DHX57: variants seen among roughly 807,000 people sequenced by gnomAD.
DHX57 encodes the protein putative ATP-dependent RNA helicase DHX57.
A neutral mutation model predicts 156.2 loss-of-function variants in DHX57; 105 were observed. The ratio of observed to expected loss-of-function variants is 0.67; its 90% CI spans 0.57 to 0.79. The LOEUF (loss-of-function observed/expected upper bound fraction) is 0.79. Among genes scored for constraint, DHX57 ranks in the 30% least tolerant of loss-of-function variants. DHX57 has a pLI of 0.00. For missense variants in DHX57, 1,847 were observed against 1,661.9 expected (o/e 1.11, Z -1.94); for synonymous variants, 704 against 595.6 (o/e 1.18, Z -2.65).
intron 19 of DHX57, among the ~76,000 whole-genome samples, chr2:38,818,579 A>T (rs1156853953): frequency 6.6e-6 from 1 of 152,110 alleles, no homozygotes; most frequent in Non-Finnish European, 1.5e-5. Context: ...TCCCTGGTGT[A>T]ATTACTGAAA....
chr2:38,823,187 G>A lies in DHX57; in HGVS notation c.3097C>T (p.Leu1033Phe), dbSNP rs765426352. 1 of 1,614,182 alleles carries A rather than the reference G, an allele frequency of 6.2e-7. No homozygotes were observed. ...RLIEPPHTDSLRASKIRLRDL... is the reference protein window; with the variant it reads ...RLIEPPHTDSFRASKIRLRDL... ...CGTAATCGTATTTTTGAGGCACGAA[G>A]AGAATCGGTGTGTGGAGGTTCAATG... is the stretch of plus-strand genomic sequence containing the variant. Residue 1033 changes from leucine (L) to phenylalanine (F), a missense_variant, in exon 17 of 24, where the codon CTT (leucine) becomes TTT (phenylalanine). Transcript: ENST00000457308.
intron 23 of DHX57, among the ~76,000 whole-genome samples, chr2:38,800,513 CAT>C (rs1669633128): frequency 6.6e-6 from 1 of 152,170 alleles, no homozygotes; most frequent in Non-Finnish European, 1.5e-5. Flanking sequence ...GTATGGGAAA[CAT>C]ACAGTTCGGA....
chr2:38,814,959 T>C (rs1411053751), intron 20 of DHX57, among the ~76,000 whole-genome samples: 1 of 151,932 alleles, frequency 6.6e-6, no homozygotes, highest in African/African-American at 2.4e-5. Flanking sequence ...TGACCTTGAG[T>C]GATCTGCCCA....
intron 13 of DHX57, among the ~76,000 whole-genome samples, chr2:38,835,544 C>G (rs928033585): frequency 6.6e-6 from 1 of 152,116 alleles, no homozygotes; most frequent in Non-Finnish European, 1.5e-5. Context: ...AGTTCAACAC[C>G]AAAGACACTG....
rs374244836 is a variant in DHX57 at position 38,845,214 on chromosome 2, CA to C, written c.2219+1804del. Among the ~76,000 whole-genome samples the C allele has an allele frequency of 2.4e-4, 36 of 147,954 alleles. 1 individual carries two copies. Among genetic ancestry groups the C allele is most frequent in the Admixed American group, 8.8e-4 (13 of 14,822 alleles). ...GTCTTAAAAAAAAACAAAAAACAAA[CA>C]AAAAAAAACCCATATATATATATAT... is the stretch of plus-strand genomic sequence containing the variant. On this transcript the variant is annotated intron_variant, in intron 11 of 23. Coordinates refer to ENST00000457308, the MANE Select transcript of DHX57 (RefSeq NM_198963.3).
chr2:38,836,775 CAAAAAAAAAAA>C (rs964200602), intron 13 of DHX57, among the ~76,000 whole-genome samples: 1 of 42,466 alleles, frequency 2.4e-5, no homozygotes, highest in African/African-American at 8.1e-5. Context: ...GACCCTGTCT[CAAAAAAAAAAA>C]AAAAAAAAAA....
intron 13 of DHX57, among the ~76,000 whole-genome samples, chr2:38,832,924 G>A (rs926021793): frequency 2.6e-5 from 4 of 151,084 alleles, no homozygotes; most frequent in Non-Finnish European, 4.4e-5. Flanking sequence ...GTACCTAAAT[G>A]CTGTAGGCAC....
At chr2:38,850,745 C>A (rs551367350) in intron 9 of DHX57, among the ~76,000 whole-genome samples, 1 of 152,102 alleles carries the variant, frequency 6.6e-6, no homozygotes, top group Admixed American at 6.5e-5. Context: ...TATGGTATAT[C>A]CAGACTTCAG....
chr2:38,869,271 A>G (rs1469410809), intron 1 of DHX57, among the ~76,000 whole-genome samples: 1 of 152,202 alleles, frequency 6.6e-6, no homozygotes, highest in East Asian at 1.9e-4. Context: ...ATCTTTTTCC[A>G]AAGGACTGAC....
chr2:38,863,709 A>G (rs1043291715), intron 2 of DHX57, among the ~76,000 whole-genome samples, 190 bp from the exon 3 acceptor site: 1 of 152,142 alleles, frequency 6.6e-6, no homozygotes, highest in African/African-American at 2.4e-5. Flanking sequence ...GACCTGCTGG[A>G]AAAAAACCTT....
At chr2:38,804,930 G>T (rs1669870281) in intron 22 of DHX57, among the ~76,000 whole-genome samples, 1 of 152,084 alleles carries the variant, frequency 6.6e-6, no homozygotes, top group African/African-American at 2.4e-5. Flanking sequence ...CATTACCTGA[G>T]ATTCTGTTTA....
chr2:38,828,481 G>T, intron 13 of DHX57, 45 bp from the exon 14 acceptor site: 2 of 1,397,350 alleles, frequency 1.4e-6, no homozygotes, highest in East Asian at 2.4e-5. Flanking sequence ...CATAGGCACA[G>T]AAAAGAAACA....
intron 9 of DHX57, chr2:38,853,766 TCTA>T (rs1260106373): frequency 1.1e-5 from 2 of 179,622 alleles, no homozygotes; most frequent in Non-Finnish European, 2.3e-5. Context: ...ATCTGTTATT[TCTA>T]CTAAGTACGG....
rs936534592 is a variant in DHX57, at chr2:38,861,102, A to T, written c.1308T>A (p.Pro436=). Residue 436 remains proline, a synonymous_variant, in exon 5 of 24, where the codon CCT becomes CCA. Coordinates refer to ENST00000457308, the MANE Select transcript of DHX57 (RefSeq NM_198963.3). ...TNTHHKYSDP[P]VNFLPVPSRT... is the part of the protein sequence containing the mutation. ...TAGAGGGTACTGGCAGAAAGTTCAC[A>T]GGAGGGTCACTATACTTGTGGTGGG... The T allele has an allele frequency of 1.9e-6, 3 of 1,614,234 alleles. No homozygotes were observed. The highest frequency in any genetic ancestry group is 2.5e-6 in the Non-Finnish European group (3 of 1,180,030).
chr2:38,802,316 CTCGCTCTGTTGCCGAGGCTGGA>C (rs1350584828), intron 23 of DHX57, among the ~76,000 whole-genome samples: 2 of 144,492 alleles, frequency 1.4e-5, no homozygotes, highest in African/African-American at 5.1e-5. Context: ...GAGAAGGAAT[CTCGCTCTGTTGCCGAGGCTGGA>C]GTGCAATGGC....
intron 1 of DHX57, among the ~76,000 whole-genome samples, chr2:38,871,988 G>A (rs772986578): frequency 7.2e-4 from 110 of 152,142 alleles, no homozygotes; most frequent in Non-Finnish European, 1.4e-3. Flanking sequence ...GATTACAGGC[G>A]TGAGCCACCG....
At chr2:38,801,437 T>G (rs540819372) in intron 23 of DHX57, among the ~76,000 whole-genome samples, 102 of 152,106 alleles carry the variant, frequency 6.7e-4, no homozygotes, top group Non-Finnish European at 1.3e-3. Context: ...TGAGACGGAG[T>G]CTCATTCTGT....
At chr2:38,843,790 C>T (rs1672132283) in intron 11 of DHX57, among the ~76,000 whole-genome samples, 1 of 152,184 alleles carries the variant, frequency 6.6e-6, no homozygotes, top group Non-Finnish European at 1.5e-5. Context: ...AACCAATCTG[C>T]CATGAGACTT....
rs1665190432 is a variant in DHX57 at position 38,868,372 on chromosome 2, C to T, written c.34G>A (p.Gly12Ser). ...GAAGACCCTTTTCCACCTCCTTTGC[C>T]TGGCTTGCCTTTTCTTCTTACTGAA... ...SSSVRRKGKP[G>S]KGGGKGSSRG... Residue 12 changes from glycine to serine, a missense_variant, in exon 2 of 24, where the codon GGC (glycine) becomes AGC (serine). Transcript: ENST00000457308. 3.1e-6 allele frequency: 5 copies of T among 1,613,578 alleles called. No individual in the cohort carries two copies. The highest frequency in any genetic ancestry group is 4.2e-6 in the Non-Finnish European group (5 of 1,180,046).
Sources: allele counts gnomAD v4.1 joint callset (sites outside exome capture counted in the v4.1 genomes callset), GRCh38; gene constraint gnomAD v4.1.1; transcripts MANE v1.5; gene names NCBI Gene and HGNC (gene_info 2026-07-23, HGNC 2026-07-21).